SYNE1: variants seen among roughly 807,000 people sequenced by gnomAD.
SYNE1 encodes the protein spectrin repeat containing nuclear envelope protein 1.
SYNE1 carries 616 observed loss-of-function variants against 1,111.0 expected under a neutral mutation model. The ratio of observed to expected loss-of-function variants is 0.55; its 90% CI spans 0.52 to 0.59. The LOEUF (loss-of-function observed/expected upper bound fraction) is 0.59. Among genes scored for constraint, SYNE1 ranks in the 20% least tolerant of loss-of-function variants. The pLI, the probability that SYNE1 is intolerant of heterozygous loss-of-function variation, is 0.00. For synonymous variants in SYNE1, 3,855 were observed against 3,825.8 expected (o/e 1.01, Z -0.28); for missense variants, 10,006 against 10,417.0 (o/e 0.96, Z 1.72).
In SYNE1 at chr6:152,366,962, T is replaced by C. The variant is rs1295390376; in HGVS notation, c.9972+256A>G. On this transcript the variant is annotated intron_variant, in intron 62 of 145. Transcript: ENST00000367255. The stretch of plus-strand genomic sequence containing the variant: ...ATATGTCTGTGATCTCATTTAAAAC[T>C]AGCCTCTTAACAAGTGATCACACAA... The C allele has an allele frequency of 1.1e-5, 7 of 657,010 alleles. 1 individual carries two copies. The highest frequency in any genetic ancestry group is 3.1e-5 in the East Asian group (1 of 32,160). 40.7% of individuals were successfully genotyped at this position (657,010 alleles called of 1,614,324 possible).
chr6:152,148,290 G>C lies in SYNE1; in HGVS notation c.24731C>G (p.Ser8244Cys). ...ALSDLHWHDR[S>C]ADSLLSPQPS... ...CTGTGGAGAAAGCAGGCTGTCTGCAGAGCGGTCGTGCCAGTGCAGGTCCGA... is the reference window on the plus strand; with the variant it reads ...CTGTGGAGAAAGCAGGCTGTCTGCACAGCGGTCGTGCCAGTGCAGGTCCGA... Residue 8244 changes from serine (S) to cysteine (C), a missense_variant, in exon 137 of 146, where the codon TCT becomes TGT. Physicochemically the swap from Ser to Cys is moderately radical, Grantham distance 112. Around this residue, in one of 7 missense-constraint regions of SYNE1, gnomAD observed 761 missense variants for 795.5 expected, o/e 0.96. Coordinates refer to ENST00000367255, the MANE Select transcript of SYNE1 (RefSeq NM_182961.4). This position sits in a 1 kb window ranked among gnomAD's most constrained non-coding sequence, Gnocchi z 4.1. 6.2e-7 allele frequency: 1 copy of C among 1,613,880 alleles called. No homozygotes were observed. The highest frequency in any genetic ancestry group is 8.5e-7 in the Non-Finnish European group (1 of 1,179,840).
chr6:152,573,288 C>G (rs985608472), intron 3 of SYNE1, among the ~76,000 whole-genome samples: 1 of 150,644 alleles, frequency 6.6e-6, no homozygotes, highest in South Asian at 2.1e-4. Context: ...CCCATTAACT[C>G]GTCATTTAGC....
intron 62 of SYNE1, 43 bp downstream of exon 62, chr6:152,367,171 AAAAC>A (rs2097096947): frequency 6.2e-7 from 1 of 1,613,706 alleles, no homozygotes; most frequent in African/African-American, 1.3e-5. Flanking sequence ...AATTTTGAGA[AAAAC>A]AAATTCTGTA....
intron 3 of SYNE1, among the ~76,000 whole-genome samples, chr6:152,605,070 GAGGAAAGAAGGAAGGAAGGA>G (rs2099610877): frequency 2.8e-5 from 1 of 35,762 alleles, no homozygotes; most frequent in African/African-American, 1.4e-4. Flanking sequence ...GGGAGGGAGG[GAGGAAAGAAGGAAGGAAGGA>G]AGGAAGGAAG....
At chr6:152,258,931 G>A (rs964917433) in intron 101 of SYNE1, among the ~76,000 whole-genome samples, 5 of 151,906 alleles carry the variant, frequency 3.3e-5, no homozygotes, top group Non-Finnish European at 7.4e-5. Flanking sequence ...TTTTAGTAGA[G>A]ACAGGATTTC....
chr6:152,189,240 A>C lies in SYNE1; in HGVS notation c.23301+12T>G, dbSNP rs2071483629. 1.2e-6 allele frequency: 2 copies of C among 1,613,058 alleles called. No homozygotes were observed. Among genetic ancestry groups the C allele is most frequent in the Non-Finnish European group, 1.7e-6 (2 of 1,179,818 alleles). Reference sequence around the variant, plus strand: ...ATCATCAAGATAATTCCATTTTTAGAACTTATCTTACCTGGTGGCATAGTT... The same window carrying C: ...ATCATCAAGATAATTCCATTTTTAGCACTTATCTTACCTGGTGGCATAGTT... On this transcript the variant is annotated intron_variant, in intron 128 of 145. Transcript: ENST00000367255.
At chr6:152,360,134 C>T (rs189915026) in intron 64 of SYNE1, among the ~76,000 whole-genome samples, 22 of 152,302 alleles carry the variant, frequency 1.4e-4, no homozygotes, top group Non-Finnish European at 2.1e-4. Context: ...AAAGTTGAAT[C>T]GTGTCGCTTC....
At chr6:152,582,340 C>T (rs141916112) in intron 3 of SYNE1, among the ~76,000 whole-genome samples, 6 of 152,216 alleles carry the variant, frequency 3.9e-5, no homozygotes, top group Non-Finnish European at 7.4e-5. Flanking sequence ...CATAGTATCT[C>T]TCACATCTCT....
At chr6:152,474,053 C>T (rs1197801248) in intron 14 of SYNE1, among the ~76,000 whole-genome samples, 4 of 151,894 alleles carry the variant, frequency 2.6e-5, no homozygotes, top group Admixed American at 6.6e-5. Flanking sequence ...GGCATGGTGG[C>T]GTGCACCTGT....
intron 3 of SYNE1, among the ~76,000 whole-genome samples, chr6:152,602,295 G>A (rs1368774723): frequency 6.6e-6 from 1 of 152,080 alleles, no homozygotes; most frequent in East Asian, 1.9e-4. Context: ...CTCAGAAAGA[G>A]GGGAAATTTG....
intron 93 of SYNE1, among the ~76,000 whole-genome samples, chr6:152,298,296 A>G (rs775957279): frequency 3.3e-5 from 5 of 152,354 alleles, no homozygotes; most frequent in East Asian, 3.9e-4. Context: ...TTGAAGGCCA[A>G]TGATTTTCCC....
chr6:152,344,937 A>G (rs1157214125), intron 73 of SYNE1, among the ~76,000 whole-genome samples: 1 of 152,178 alleles, frequency 6.6e-6, no homozygotes, highest in Admixed American at 6.5e-5. Context: ...CCATTTAGGA[A>G]AAAGGAAAAA....
rs1554870894 is a variant in SYNE1 at position 152,536,390 on chromosome 6, T to TAC, written c.129+3569_129+3570insGT. Among the ~76,000 whole-genome samples, 220 of 120,186 alleles carry TAC rather than the reference T, an allele frequency of 1.8e-3. 1 individual carries two copies. Among genetic ancestry groups the TAC allele is most frequent in the Admixed American group, 2.7e-3 (32 of 11,644 alleles). 78.8% of individuals were successfully genotyped at this position (120,186 alleles called of 152,430 possible). ...TATATATATAGTAATATATATATAT[T>TAC]TATATATATACTATATATAGTAATA... On this transcript the variant is annotated intron_variant, in intron 4 of 145. Transcript: ENST00000367255.
chr6:152,215,240 T>C (rs1375478543), intron 121 of SYNE1, among the ~76,000 whole-genome samples, 180 bp from the exon 122 acceptor site: 2 of 152,218 alleles, frequency 1.3e-5, no homozygotes, highest in Non-Finnish European at 2.9e-5. Context: ...AAATCTACTT[T>C]TCAGTCTAAA....
At chr6:152,167,897 C>T in intron 130 of SYNE1, 1 of 749,134 alleles carries the variant, frequency 1.3e-6, no homozygotes, top group Non-Finnish European at 2.5e-6. Context: ...AGTCCATTAA[C>T]CTTTTTGTCC....
chr6:152,320,276 G>T (rs897038133), intron 84 of SYNE1: 1 of 152,216 alleles, frequency 6.6e-6, no homozygotes, highest in Admixed American at 6.5e-5. Flanking sequence ...GCATTTATCA[G>T]TAGTTTAGGT....
intron 59 of SYNE1, among the ~76,000 whole-genome samples, chr6:152,370,149 C>T (rs2635481): frequency 6.6e-6 from 1 of 152,090 alleles, no homozygotes; most frequent in African/African-American, 2.4e-5. Flanking sequence ...CCCTAACTCT[C>T]TGGCCCACTT....
At chr6:152,166,333 C>T (rs1303217190) in intron 130 of SYNE1, among the ~76,000 whole-genome samples, 2 of 152,152 alleles carry the variant, frequency 1.3e-5, no homozygotes, top group African/African-American at 2.4e-5. Context: ...AATGAATATT[C>T]TAAGCGAATT....
In SYNE1 at chr6:152,122,452, C is replaced by A; in HGVS notation, c.26378G>T (p.Gly8793Val). Residue 8793 changes from glycine to valine, a missense_variant, in exon 146 of 146, where the codon GGC becomes GTC. Coordinates refer to ENST00000367255, the MANE Select transcript of SYNE1 (RefSeq NM_182961.4). ...SFHPMLRYTN[G>V]PPPL ...CTGCTTAGTTCAGAGTGGAGGAGGG[C>A]CATTCGTGTATCTGAGCATGGGGTG... 1 of 1,614,114 alleles carries A rather than the reference C, an allele frequency of 6.2e-7. No individual in the cohort carries two copies. The highest frequency in any genetic ancestry group is 1.1e-5 in the South Asian group (1 of 91,078).
Sources: allele counts gnomAD v4.1 joint callset (sites outside exome capture counted in the v4.1 genomes callset), GRCh38; gene constraint gnomAD v4.1.1; regional missense constraint gnomAD v4.1.1; non-coding constraint Gnocchi (gnomAD v3.1); transcripts MANE v1.5; gene names NCBI Gene and HGNC (gene_info 2026-07-23, HGNC 2026-07-21).